The following TPR variants were observed in gnomAD, a reference collection of about 807,000 sequenced individuals.
TPR encodes nucleoprotein TPR.
A neutral mutation model predicts 316.1 loss-of-function variants in TPR; 51 were observed. That is an observed-to-expected ratio of 0.16 (90% CI 0.13 to 0.20). The LOEUF (loss-of-function observed/expected upper bound fraction) is 0.20. Ranked by LOEUF, TPR falls within the 10% of genes least tolerant of loss-of-function variation. The pLI is 1.00. For synonymous variants in TPR, 981 were observed against 914.7 expected, an observed-to-expected ratio of 1.07 and a Z score of -1.31; for missense variants, 2,272 against 2,754.8, an observed-to-expected ratio of 0.82 and a Z score of 3.92.
In TPR at chr1:186,350,343, G is replaced by C; in HGVS notation, c.2656C>G (p.Leu886Val). Residue 886 changes from leucine (L) to valine (V), a missense_variant, in exon 21 of 51, where the codon CTT (leucine) becomes GTT (valine). Physicochemically the swap from Leu to Val is conservative, Grantham distance 32. Coordinates refer to ENST00000367478, the MANE Select transcript of TPR (RefSeq NM_003292.3). The part of the protein sequence containing the change: ...TKRQLDTETN[L>V]HLNTKELLKN... ...AATAGTTCTTTTGTGTTAAGATGAA[G>C]ATTTGTCTCTGTATCCAGTTGTCTC... The C allele has an allele frequency of 6.2e-7, 1 of 1,612,628 alleles. No individual in the cohort carries two copies. Among genetic ancestry groups the C allele is most frequent in the Non-Finnish European group, 8.5e-7 (1 of 1,179,204 alleles).
chr1:186,352,177 A>C (rs1391155338), intron 18 of TPR, 67 bp from the exon 19 acceptor site: 4 of 1,436,436 alleles, frequency 2.8e-6, no homozygotes, highest in African/African-American at 1.4e-5. Flanking sequence ...TAAGATTATA[A>C]AATTAAAATG....
At chr1:186,360,687 C>T in intron 10 of TPR, 78 bp downstream of exon 10, 1 of 1,564,934 alleles carries the variant, frequency 6.4e-7, no homozygotes, top group Non-Finnish European at 8.7e-7. Context: ...CAGATAAATA[C>T]TATTAGTGAA....
In TPR at chr1:186,311,900, TTTAGTA is replaced by T. The variant is rs1387266214; in HGVS notation, c.*2065_*2070del. 1.1e-5 allele frequency: 6 copies of T among 541,632 alleles called. No homozygotes were observed. The highest frequency in any genetic ancestry group is 2.0e-5 in the Non-Finnish European group (6 of 307,516). 33.6% of individuals were successfully genotyped at this position (541,632 alleles called of 1,614,324 possible). On this transcript the variant is annotated 3_prime_UTR_variant, in exon 51 of 51. Coordinates refer to ENST00000367478, the MANE Select transcript of TPR (RefSeq NM_003292.3). Reference sequence around the variant, plus strand: ...ATGCTAATCTCTGTATCATTCCAGTTTTAGTATATGTGCTGCCAAACTGAGCACTTG... The same window carrying T: ...ATGCTAATCTCTGTATCATTCCAGTTTATGTGCTGCCAAACTGAGCACTTG...
At chr1:186,355,828 T>C in intron 15 of TPR, 60 bp from the exon 16 acceptor site, 1 of 1,573,966 alleles carries the variant, frequency 6.4e-7, no homozygotes. Context: ...AGCTTTAATC[T>C]AATGCTTCTT....
Position 186,338,090 on chromosome 1 carries a change from C to T in TPR, c.4305G>A (p.Lys1435=). ...QEKVKTITQV[K]KIGRRYKTQY... is the part of the protein sequence containing the mutation. ...GAGTCTTGTACCTACGTCCAATTTT[C>T]TTAACTTGAGTAATAGTTTTGACTT... The change falls in exon 31 of 51, where the codon AAG becomes AAA. Residue 1435 remains lysine (K), a synonymous_variant. Coordinates refer to ENST00000367478, the MANE Select transcript of TPR (RefSeq NM_003292.3). 5.6e-6 allele frequency: 9 copies of T among 1,612,330 alleles called. No individual in the cohort carries two copies. The highest frequency in any genetic ancestry group is 7.6e-6 in the Non-Finnish European group (9 of 1,179,430).
intron 43 of TPR, 116 bp from the exon 44 acceptor site, chr1:186,322,702 T>A: frequency 2.0e-6 from 2 of 1,000,270 alleles, no homozygotes; most frequent in African/African-American, 1.6e-5. Flanking sequence ...AGCAGACAGG[T>A]AATTAGGACA....
At chr1:186,349,926 C>T (rs1558019866) in intron 21 of TPR, among the ~76,000 whole-genome samples, 1 of 152,070 alleles carries the variant, frequency 6.6e-6, no homozygotes, top group East Asian at 1.9e-4. Context: ...TCAAATAACC[C>T]TCTTCAGAAA....
intron 49 of TPR, among the ~76,000 whole-genome samples, chr1:186,315,342 G>A (rs1438678680): frequency 6.6e-6 from 1 of 151,764 alleles, no homozygotes; most frequent in Admixed American, 6.6e-5. Context: ...ACTGCCAGGT[G>A]CTGAGAAATA....
At position 186,333,168 on chromosome 1, in the gene TPR, A is replaced by G; in HGVS notation, c.5409T>C (p.Ser1803=). 1 of 1,613,372 alleles carries G rather than the reference A, an allele frequency of 6.2e-7. No homozygotes were observed. Among genetic ancestry groups the G allele is most frequent in the Non-Finnish European group, 8.5e-7 (1 of 1,179,598 alleles). Residue 1803 remains serine, a synonymous_variant, in exon 37 of 51, where the codon AGT becomes AGC. Coordinates refer to ENST00000367478, the MANE Select transcript of TPR (RefSeq NM_003292.3). The part of the protein sequence containing the change: ...LSSNIVEVVQ[S]SPVERPSTST... ...AAGTAGAAGGCCGCTCAACTGGTGAACTCTGAACAACCTCTACTATGTTTG... is the reference window on the plus strand; with the variant it reads ...AAGTAGAAGGCCGCTCAACTGGTGAGCTCTGAACAACCTCTACTATGTTTG...
In TPR at chr1:186,346,102, TA is replaced by T. The variant is rs554979668; in HGVS notation, c.3096+32del. On this transcript the variant is annotated intron_variant, in intron 23 of 50. Transcript: ENST00000367478. Reference sequence around the variant, plus strand: ...TGAAAGAATTCAAATCCTTACAAGTTAAAAAAAAAATTAATACGGTTAACCT... The same window carrying T: ...TGAAAGAATTCAAATCCTTACAAGTTAAAAAAAAATTAATACGGTTAACCT... 3,383 of 1,425,936 alleles carry T rather than the reference TA, an allele frequency of 2.4e-3. 1 individual carries two copies. The highest frequency in any genetic ancestry group is 6.6e-3 in the East Asian group (266 of 40,088). 88.3% of individuals were successfully genotyped at this position (1,425,936 alleles called of 1,614,324 possible).
Position 186,315,806 on chromosome 1 carries a change from G to C in TPR, c.6941-1082C>G, listed in dbSNP as rs1037596688. Among the ~76,000 whole-genome samples, 13 of 149,610 alleles carry C rather than the reference G, an allele frequency of 8.7e-5. No individual in the cohort carries two copies. In the East Asian group the frequency reaches 2.0e-3, roughly 23 times the overall value. ...CTCCAGCCACAGTGGCCTCCTTGTTGACCCTGAACACAAGCAGACACACTG... is the reference window on the plus strand; with the variant it reads ...CTCCAGCCACAGTGGCCTCCTTGTTCACCCTGAACACAAGCAGACACACTG... On this transcript the variant is annotated intron_variant, in intron 49 of 50. Transcript: ENST00000367478.
At position 186,339,634 on chromosome 1, in the gene TPR, C is replaced by CGA. The variant is rs1428189864; in HGVS notation, c.4151+7_4151+8insTC. The CGA allele has an allele frequency of 2.5e-6, 4 of 1,569,156 alleles. No individual in the cohort carries two copies. Among genetic ancestry groups the CGA allele is most frequent in the Non-Finnish European group, 3.4e-6 (4 of 1,161,394 alleles). On this transcript the variant is annotated splice_region_variant and intron_variant, in intron 30 of 50. Transcript: ENST00000367478. ...ATTATATATGATTTAAGGCTTCTTT[C>CGA]CATATACCTTGCAATTTCAGCTTTA...
chr1:186,337,988 C>A, intron 31 of TPR, 45 bp downstream of exon 31: 3 of 1,439,294 alleles, frequency 2.1e-6, no homozygotes, highest in East Asian at 2.4e-5. Context: ...GATTTCATAA[C>A]ATTCATCCTA....
chr1:186,345,118 C>CACATACATACATACACTCAAAAT (rs548765263), intron 24 of TPR, among the ~76,000 whole-genome samples: 13,812 of 151,996 alleles, frequency 0.091, 850 homozygotes, highest in East Asian at 0.25. Flanking sequence ...ATACTGTGTG[C>CACATACATACATACACTCAAAAT]ACATACATAC....
intron 42 of TPR, 162 bp downstream of exon 42, chr1:186,325,602 A>C: frequency 1.8e-6 from 1 of 547,708 alleles, no homozygotes; most frequent in Non-Finnish European, 3.1e-6. Context: ...AATCATAAAT[A>C]TAGTAGACTT....
intron 4 of TPR, among the ~76,000 whole-genome samples, chr1:186,365,591 T>G (rs1436171103): frequency 1.3e-5 from 2 of 152,128 alleles, no homozygotes; most frequent in African/African-American, 4.8e-5. Context: ...ATGTCAACAC[T>G]GTGGAAGAGA....
intron 9 of TPR, among the ~76,000 whole-genome samples, 189 bp from the exon 10 acceptor site, chr1:186,361,094 T>C (rs1393134336): frequency 6.6e-6 from 1 of 151,886 alleles, no homozygotes; most frequent in African/African-American, 2.4e-5. Flanking sequence ...CTGGTGTTTC[T>C]CCTTTTGATG....
In TPR at chr1:186,343,898, T is replaced by G; in HGVS notation, c.3602+8A>C. 1.2e-6 allele frequency: 2 copies of G among 1,609,910 alleles called. No homozygotes were observed. Among genetic ancestry groups the G allele is most frequent in the Non-Finnish European group, 1.7e-6 (2 of 1,176,914 alleles). On this transcript the variant is annotated splice_region_variant and intron_variant, in intron 26 of 50. Coordinates refer to ENST00000367478, the MANE Select transcript of TPR (RefSeq NM_003292.3). The stretch of plus-strand genomic sequence containing the variant: ...CCACAGAAATGAAGCAGTAAGAACA[T>G]GATTTACCTGAGAATTTCCAAAATT...
chr1:186,334,518 G>C lies in TPR; in HGVS notation c.4989C>G (p.Asp1663Glu), dbSNP rs768719018. 1.9e-6 allele frequency: 3 copies of C among 1,613,326 alleles called. No individual in the cohort carries two copies. Among genetic ancestry groups the C allele is most frequent in the South Asian group, 2.2e-5 (2 of 91,028 alleles). The change falls in exon 36 of 51, where the codon GAC becomes GAG. Residue 1663 changes from aspartate to glutamate, a missense_variant. This residue lies in a region of TPR where 109 missense variants were observed against 215.3 expected (regional missense o/e 0.51). Transcript: ENST00000367478. ...SGERGIASTS[D>E]PPTANIKPTP... is the part of the protein sequence containing the mutation. ...TTGGCTTGATATTGGCTGTTGGTGGGTCTGATGTGCTGGCACTTATAGAGG... is the reference window on the plus strand; with the variant it reads ...TTGGCTTGATATTGGCTGTTGGTGGCTCTGATGTGCTGGCACTTATAGAGG...
Sources: allele counts gnomAD v4.1 joint callset (sites outside exome capture counted in the v4.1 genomes callset), GRCh38; gene constraint gnomAD v4.1.1; regional missense constraint gnomAD v4.1.1; transcripts MANE v1.5; gene names NCBI Gene and HGNC (gene_info 2026-07-23, HGNC 2026-07-21).